The following ITGAM variants were observed in gnomAD, a reference collection of about 807,000 sequenced individuals.
The protein encoded by ITGAM is integrin alpha-M.
Under a neutral mutation model 137.5 loss-of-function variants are expected in ITGAM, and 79 were observed. That is an observed-to-expected ratio of 0.57 (90% CI 0.48 to 0.69). The LOEUF (loss-of-function observed/expected upper bound fraction) is 0.69. Ranked by LOEUF, ITGAM falls within the 30% of genes least tolerant of loss-of-function variation. ITGAM has a pLI of 0.00. For synonymous variants in ITGAM, 583 were observed against 592.3 expected (o/e 0.98, Z 0.23); for missense variants, 1,343 against 1,483.5 (o/e 0.91, Z 1.56).
intron 14 of ITGAM, among the ~76,000 whole-genome samples, chr16:31,298,724 C>T (rs919458390): frequency 6.6e-5 from 10 of 152,190 alleles, no homozygotes; most frequent in Non-Finnish European, 1.2e-4. Context: ...TGCAGTCACA[C>T]GTGCCCCTCT....
intron 14 of ITGAM, among the ~76,000 whole-genome samples, chr16:31,311,415 A>G (rs1460691672): frequency 1.3e-5 from 2 of 152,250 alleles, no homozygotes; most frequent in African/African-American, 4.8e-5. Flanking sequence ...CAGAATCTAC[A>G]ATGAACTCAA....
At chr16:31,276,770 G>A (rs753938962) in intron 10 of ITGAM, 26 bp downstream of exon 10, 46 of 1,596,700 alleles carry the variant, frequency 2.9e-5, no homozygotes, top group Middle Eastern at 3.3e-4. Flanking sequence ...TTAAATTGCG[G>A]GGGTGGGGCA....
chr16:31,293,296 G>C (rs974716034), intron 12 of ITGAM, among the ~76,000 whole-genome samples: 13 of 152,186 alleles, frequency 8.5e-5, no homozygotes, highest in African/African-American at 3.1e-4. Context: ...TGCTTTTTGT[G>C]TCTTTGTCAG....
Position 31,324,975 on chromosome 16 carries a change from T to C in ITGAM, c.2307T>C (p.Asn769=), listed in dbSNP as rs2080491310. The change falls in exon 19 of 30, where the codon AAT becomes AAC. Residue 769 remains asparagine, a synonymous_variant. Coordinates refer to ENST00000544665, the MANE Select transcript of ITGAM (RefSeq NM_000632.4). The surrounding 1 kb of genome is among the most constrained non-coding windows in gnomAD (Gnocchi z 4.5). ...TTTAAAAGTTTCCCTTTGAGAAGAA[T>C]TGTGGCAATGACAACATCTGCCAGG... The part of the protein sequence containing the change: ...LFTALFPFEK[N]CGNDNICQDD... The C allele has an allele frequency of 6.2e-7, 1 of 1,612,726 alleles. No individual in the cohort carries two copies. The highest frequency in any genetic ancestry group is 1.1e-5 in the South Asian group (1 of 90,848).
chr16:31,311,888 A>G (rs543361466), intron 14 of ITGAM, among the ~76,000 whole-genome samples: 5 of 152,212 alleles, frequency 3.3e-5, no homozygotes, highest in African/African-American at 1.2e-4. Context: ...ACCAACCCAA[A>G]TGTTCAACAA....
At chr16:31,319,667 T>C (rs889453691) in intron 14 of ITGAM, among the ~76,000 whole-genome samples, 5 of 152,240 alleles carry the variant, frequency 3.3e-5, no homozygotes, top group Non-Finnish European at 7.3e-5. Context: ...TAATTATTGA[T>C]AGAGAAGGAT....
chr16:31,283,169 A>G (rs997289849), intron 12 of ITGAM, among the ~76,000 whole-genome samples: 2 of 151,854 alleles, frequency 1.3e-5, no homozygotes, highest in Non-Finnish European at 2.9e-5. Flanking sequence ...CTCCATTTCA[A>G]CTTTGGTGAA....
chr16:31,332,684 TC>T lies in ITGAM; in HGVS notation c.*978del, dbSNP rs2080603538. The T allele has an allele frequency of 1.3e-5, 2 of 152,404 alleles. No individual in the cohort carries two copies. Among genetic ancestry groups the T allele is most frequent in the South Asian group, 4.1e-4 (2 of 4,834 alleles). 9.4% of individuals were successfully genotyped at this position (152,404 alleles called of 1,614,324 possible). On this transcript the variant is annotated 3_prime_UTR_variant, in exon 30 of 30. Coordinates refer to ENST00000544665, the MANE Select transcript of ITGAM (RefSeq NM_000632.4). ...ATATTGGTCTGTATCTTGCTTTTTT[TC>T]ACCAATATTTCTCAGACATCGGTTC... is the stretch of plus-strand genomic sequence containing the variant.
chr16:31,329,038 A>G, intron 23 of ITGAM, 190 bp from the exon 24 acceptor site: 1 of 645,692 alleles, frequency 1.5e-6, no homozygotes, highest in Non-Finnish European at 2.8e-6. Flanking sequence ...GAGTGGCCCA[A>G]ATGGGCACGC....
In ITGAM at chr16:31,275,591, A is replaced by G. The variant is rs1395802259; in HGVS notation, c.901A>G (p.Asn301Asp). The change falls in exon 9 of 30, where the codon AAT (asparagine) becomes GAT (aspartate). Residue 301 changes from asparagine to aspartate, a missense_variant. Asn to Asp is a conservative substitution (Grantham distance 23, BLOSUM62 1). Coordinates refer to ENST00000544665, the MANE Select transcript of ITGAM (RefSeq NM_000632.4). ...FRSEKSRQEL[N>D]TIASKPPRDH... ...CAGTGAGAAATCCCGCCAAGAGCTT[A>G]ATACCATCGCATCCAAGCCGCCTCG... The G allele has an allele frequency of 1.2e-6, 2 of 1,613,820 alleles. No individual in the cohort carries two copies. The highest frequency in any genetic ancestry group is 1.7e-6 in the Non-Finnish European group (2 of 1,179,852).
intron 23 of ITGAM, chr16:31,328,895 C>T (rs4889543): frequency 0.5 from 210,763 of 423,246 alleles, 54,007 homozygotes; most frequent in East Asian, 0.75. Flanking sequence ...AGTGTGTATT[C>T]GTGCATGTGT....
rs2080127540 is a variant in ITGAM at position 31,295,877 on chromosome 16, T to C, written c.1357-1637T>C. On this transcript the variant is annotated intron_variant, in intron 12 of 29. Coordinates refer to ENST00000544665, the MANE Select transcript of ITGAM (RefSeq NM_000632.4). ...GGCTTGTCGTATATGGCCTTTATCA[T>C]ATTGAGGTACATTCCTTCTGTAGCG... 2.0e-5 allele frequency among the ~76,000 whole-genome samples: 3 copies of C among 151,896 alleles called. No individual in the cohort carries two copies. In the South Asian group the frequency reaches 6.2e-4, roughly 31 times the overall value.
At chr16:31,284,362 C>T (rs2080004575) in intron 12 of ITGAM, among the ~76,000 whole-genome samples, 1 of 152,184 alleles carries the variant, frequency 6.6e-6, no homozygotes, top group Non-Finnish European at 1.5e-5. Context: ...CCTTGAGCTG[C>T]AGTGGGCTCC....
chr16:31,290,520 C>T (rs1245830007), intron 12 of ITGAM, among the ~76,000 whole-genome samples: 1 of 152,062 alleles, frequency 6.6e-6, no homozygotes, highest in African/African-American at 2.4e-5. Context: ...TCTAATTTGA[C>T]AACATACAAC....
At position 31,331,261 on chromosome 16, in the gene ITGAM, G is replaced by A. The variant is rs1295674529; in HGVS notation, c.3373G>A (p.Ala1125Thr). The change falls in exon 29 of 30, where the codon GCC becomes ACC. Residue 1125 changes from alanine to threonine, a missense_variant. Ala to Thr is a moderately conservative substitution (Grantham distance 58, BLOSUM62 0). Transcript: ENST00000544665. ...ACTGCTGCTCCTGGCCCTCATCACC[G>A]CCGCGCTGTACAAGGTGCTCCCCGC... The part of the protein sequence containing the change: ...GGLLLLALIT[A>T]ALYKLGFFKR... 2 of 1,608,588 alleles carry A rather than the reference G, an allele frequency of 1.2e-6. No individual in the cohort carries two copies. Among genetic ancestry groups the A allele is most frequent in the Admixed American group, 1.7e-5 (1 of 59,840 alleles).
intron 14 of ITGAM, among the ~76,000 whole-genome samples, chr16:31,302,428 C>CT (rs71390270): frequency 0.037 from 3,821 of 102,542 alleles, 158 homozygotes; most frequent in African/African-American, 0.09. Flanking sequence ...TTCTTTCTTT[C>CT]TTCTTTCTTT....
At chr16:31,303,087 G>T (rs1215920189) in intron 14 of ITGAM, among the ~76,000 whole-genome samples, 1 of 150,808 alleles carries the variant, frequency 6.6e-6, no homozygotes, top group Non-Finnish European at 1.5e-5. Flanking sequence ...AGGCTGGAGT[G>T]CAGTGACGAG....
chr16:31,308,598 AC>A (rs771759256), intron 14 of ITGAM, among the ~76,000 whole-genome samples: 2 of 152,162 alleles, frequency 1.3e-5, no homozygotes, highest in African/African-American at 4.8e-5. Flanking sequence ...TTTCAAAAAA[AC>A]CAGCTCCTGG....
chr16:31,316,279 T>C (rs1396619827), intron 14 of ITGAM, among the ~76,000 whole-genome samples: 3 of 144,868 alleles, frequency 2.1e-5, no homozygotes, highest in Non-Finnish European at 4.5e-5. Context: ...TTCCAGCTAC[T>C]CGGGAGGCTG....
Sources: gnomAD v4.1 joint callset for allele counts (sites outside exome capture counted in the v4.1 genomes callset) on GRCh38, gnomAD v4.1.1 for gene constraint, Gnocchi (gnomAD v3.1) non-coding constraint, MANE v1.5 for transcripts, NCBI Gene and HGNC (gene_info 2026-07-23, HGNC 2026-07-21) for gene names.